ERLEC1: variants seen among roughly 807,000 people sequenced by gnomAD.
ERLEC1 encodes the protein ER lectin.
Under a neutral mutation model 68.0 loss-of-function variants are expected in ERLEC1, and 47 were observed. That is an observed-to-expected ratio of 0.69 (90% CI 0.55 to 0.88). The LOEUF (loss-of-function observed/expected upper bound fraction) is 0.88, where lower values mean the gene tolerates loss of function less well. ERLEC1 is among the 40% of genes least tolerant of loss of function. The pLI is 0.00. For missense variants in ERLEC1, 567 were observed against 583.8 expected (o/e 0.97, Z 0.30); for synonymous variants, 225 against 203.2 (o/e 1.11, Z -0.91).
At chr2:53,808,226 T>C in intron 8 of ERLEC1, 73 bp from the exon 9 acceptor site, 2 of 1,500,994 alleles carry the variant, frequency 1.3e-6, no homozygotes, top group Non-Finnish European at 1.8e-6. Context: ...TTAAAAATAA[T>C]AACTTAAGCC....
rs749639962 is a variant in ERLEC1 at position 53,801,749 on chromosome 2, A to G, written c.786A>G (p.Gln262=). The part of the protein sequence containing the change: ...RASPVNDIFC[Q]SLPGSPFKPL... ...CTCCTGTGAATGACATATTTTGTCA[A>G]TCACTGCCAGGATCTCCATTTAAGC... Residue 262 remains glutamine, a synonymous_variant, in exon 8 of 14, where the codon CAA becomes CAG. Transcript: ENST00000185150. 57 of 1,613,792 alleles carry G rather than the reference A, an allele frequency of 3.5e-5. No homozygotes were observed. Among genetic ancestry groups the G allele is most frequent in the Admixed American group, 1.0e-4 (6 of 59,998 alleles).
chr2:53,803,427 T>C (rs1383820018), intron 8 of ERLEC1, among the ~76,000 whole-genome samples: 1 of 152,228 alleles, frequency 6.6e-6, no homozygotes, highest in Non-Finnish European at 1.5e-5. Flanking sequence ...ATCCCAGCTT[T>C]CGTTACTCTT....
chr2:53,788,461 GGT>G (rs1474259328), intron 1 of ERLEC1: 2 of 152,128 alleles, frequency 1.3e-5, no homozygotes, highest in African/African-American at 4.8e-5. Context: ...GAAGTGCAGT[GGT>G]ACGGTCACCA....
At chr2:53,813,960 G>A (rs1676727312) in intron 11 of ERLEC1, among the ~76,000 whole-genome samples, 1 of 151,914 alleles carries the variant, frequency 6.6e-6, no homozygotes, top group African/African-American at 2.4e-5. Flanking sequence ...TTTAATTATT[G>A]TACTAAACAA....
At chr2:53,795,695 T>A (rs2692512) in intron 2 of ERLEC1, among the ~76,000 whole-genome samples, 40,251 of 152,130 alleles carry the variant, frequency 0.26, 5,764 homozygotes, top group South Asian at 0.33. Context: ...AAATACATTT[T>A]AAAAAAACCT....
Position 53,794,330 on chromosome 2 carries a change from T to G in ERLEC1, c.163-15T>G. 4 of 1,235,530 alleles carry G rather than the reference T, an allele frequency of 3.2e-6. No individual in the cohort carries two copies. Among genetic ancestry groups the G allele is most frequent in the Non-Finnish European group, 4.6e-6 (4 of 870,488 alleles). 76.5% of individuals were successfully genotyped at this position (1,235,530 alleles called of 1,614,324 possible). On this transcript the variant is annotated splice_polypyrimidine_tract_variant and intron_variant, in intron 1 of 13. Coordinates refer to ENST00000185150, the MANE Select transcript of ERLEC1 (RefSeq NM_015701.5). ...TCACGGAGAACATAATGTATGTTTT[T>G]TCTTCTATTTGCAGCCCACAACTGG...
chr2:53,787,794 G>T (rs1263038175), intron 1 of ERLEC1, among the ~76,000 whole-genome samples: 4 of 152,168 alleles, frequency 2.6e-5, no homozygotes. Context: ...TCAGACTCGA[G>T]TTCCCTCTCT....
At chr2:53,796,246 G>GTTTTTTTTTTTTT (rs200295316) in intron 3 of ERLEC1, among the ~76,000 whole-genome samples, 2 of 126,466 alleles carry the variant, frequency 1.6e-5, no homozygotes, top group African/African-American at 2.9e-5. Flanking sequence ...TGATGGGTTG[G>GTTTTTTTTTTTTT]TTTTTTTTTT....
At chr2:53,799,159 G>A (rs1016397764) in intron 6 of ERLEC1, 78 bp downstream of exon 6, 1 of 1,212,836 alleles carries the variant, frequency 8.2e-7, no homozygotes, top group African/African-American at 1.5e-5. Flanking sequence ...CCAAGTGACA[G>A]AATATATCTT....
chr2:53,799,157 C>T, intron 6 of ERLEC1, 76 bp downstream of exon 6: 2 of 1,214,058 alleles, frequency 1.6e-6, no homozygotes, highest in African/African-American at 1.5e-5. Context: ...ACCCAAGTGA[C>T]AGAATATATC....
chr2:53,815,423 T>C (rs933151350), intron 13 of ERLEC1, among the ~76,000 whole-genome samples: 2 of 152,216 alleles, frequency 1.3e-5, no homozygotes, highest in African/African-American at 4.8e-5. Flanking sequence ...ACATTTTTTA[T>C]TGAGATATAA....
chr2:53,798,153 C>T (rs928130373), intron 5 of ERLEC1, among the ~76,000 whole-genome samples: 3 of 152,272 alleles, frequency 2.0e-5, no homozygotes, highest in East Asian at 3.9e-4. Context: ...CGAGATGGCA[C>T]CACTGCACTC....
At chr2:53,802,080 A>C (rs1449676609) in intron 8 of ERLEC1, among the ~76,000 whole-genome samples, 1 of 151,984 alleles carries the variant, frequency 6.6e-6, no homozygotes, top group Non-Finnish European at 1.5e-5. Flanking sequence ...TTGACATCCT[A>C]CTCATTATAA....
At chr2:53,787,646 C>T (rs546717557) in intron 1 of ERLEC1, 2 of 361,820 alleles carry the variant, frequency 5.5e-6, no homozygotes, top group South Asian at 1.1e-4. Flanking sequence ...ACATTCCCAC[C>T]CTGCAGAAGC....
In ERLEC1 at chr2:53,797,792, A is replaced by G; in HGVS notation, c.487A>G (p.Lys163Glu). The change falls in exon 5 of 14, where the codon AAA becomes GAA. Residue 163 changes from lysine (K) to glutamate (E), a missense_variant. Transcript: ENST00000185150. ...NMLAKNLLFEKEREAEEKEKS... is the reference protein window; with the variant it reads ...NMLAKNLLFEEEREAEEKEKS... ...GTTGGCCAAGAACCTTCTATTTGAA[A>G]AAGGTTGGTGTCTACCCAGTGATTT... is the stretch of plus-strand genomic sequence containing the variant. The G allele has an allele frequency of 6.2e-7, 1 of 1,611,576 alleles. No homozygotes were observed. Among genetic ancestry groups the G allele is most frequent in the South Asian group, 1.1e-5 (1 of 90,994 alleles).
chr2:53,813,938 C>A (rs1676726361), intron 11 of ERLEC1, among the ~76,000 whole-genome samples: 1 of 152,172 alleles, frequency 6.6e-6, no homozygotes, highest in Non-Finnish European at 1.5e-5. Context: ...ATCTTCCCCC[C>A]TCCCACAGAC....
At chr2:53,796,564 G>C (rs1275288199) in intron 3 of ERLEC1, among the ~76,000 whole-genome samples, 1 of 151,610 alleles carries the variant, frequency 6.6e-6, no homozygotes, top group Admixed American at 6.6e-5. Flanking sequence ...TGCTCAAGCT[G>C]TTCTCCCACC....
At chr2:53,793,141 A>C (rs1488442454) in intron 1 of ERLEC1, among the ~76,000 whole-genome samples, 1 of 152,228 alleles carries the variant, frequency 6.6e-6, no homozygotes, top group Non-Finnish European at 1.5e-5. Context: ...GAGAGAATTG[A>C]ATTATCTTAG....
In ERLEC1 at chr2:53,818,511, TG is replaced by T. The variant is rs1411289897; in HGVS notation, c.*545del. The T allele has an allele frequency of 6.6e-6, 1 of 152,302 alleles. No homozygotes were observed. The highest frequency in any genetic ancestry group is 1.9e-4 in the East Asian group (1 of 5,202). 9.4% of individuals were successfully genotyped at this position (152,302 alleles called of 1,614,324 possible). On this transcript the variant is annotated 3_prime_UTR_variant, in exon 14 of 14. Coordinates refer to ENST00000185150, the MANE Select transcript of ERLEC1 (RefSeq NM_015701.5). ...ACTGGGCACATGGTAGAGGCTCACA[TG>T]GGAGTTGTCCTCACCCTTGTTAATC...
Sources: gnomAD v4.1 joint callset for allele counts (sites outside exome capture counted in the v4.1 genomes callset) on GRCh38, gnomAD v4.1.1 for gene constraint, MANE v1.5 for transcripts, NCBI Gene and HGNC (gene_info 2026-07-23, HGNC 2026-07-21) for gene names.